FHAD1: variants seen among roughly 807,000 people sequenced by gnomAD.
FHAD1 encodes the protein forkhead-associated domain-containing protein 1.
FHAD1 carries 146 observed loss-of-function variants against 191.3 expected under a neutral mutation model. The observed-to-expected ratio is 0.76, with a 90% CI of 0.67 to 0.88. The LOEUF (loss-of-function observed/expected upper bound fraction) is 0.88. FHAD1 is among the 40% of genes least tolerant of loss of function. FHAD1 has a pLI of 0.00. For synonymous variants in FHAD1, 616 were observed against 672.3 expected (o/e 0.92, Z 1.29); for missense variants, 1,635 against 1,785.8 (o/e 0.92, Z 1.52).
At chr1:15,393,446 A>ACACACACACT (rs1263147923) in intron 33 of FHAD1, among the ~76,000 whole-genome samples, 1 of 151,590 alleles carries the variant, frequency 6.6e-6, no homozygotes, top group Non-Finnish European at 1.5e-5. Flanking sequence ...ACACACACAC[A>ACACACACACT]CACACACACT....
At chr1:15,288,214 G>T (rs748576454) in intron 3 of FHAD1, among the ~76,000 whole-genome samples, 3 of 152,162 alleles carry the variant, frequency 2.0e-5, no homozygotes, top group Non-Finnish European at 4.4e-5. Context: ...CACACAAAGG[G>T]TCATGGTGAG....
At chr1:15,272,801 A>G (rs1328929596) in intron 3 of FHAD1, among the ~76,000 whole-genome samples, 2 of 152,166 alleles carry the variant, frequency 1.3e-5, no homozygotes, top group African/African-American at 2.4e-5. Flanking sequence ...CAACTTCCTG[A>G]GAGGAGGCGG....
intron 20 of FHAD1, among the ~76,000 whole-genome samples, chr1:15,356,318 C>T (rs982980442): frequency 2.6e-5 from 4 of 152,200 alleles, no homozygotes; most frequent in African/African-American, 4.8e-5. Flanking sequence ...TTAACAGGAT[C>T]GCAGTGTCTT....
At chr1:15,332,746 A>G (rs988393013) in intron 14 of FHAD1, among the ~76,000 whole-genome samples, 1 of 152,156 alleles carries the variant, frequency 6.6e-6, no homozygotes, top group Non-Finnish European at 1.5e-5. Context: ...TGTAAAGTTA[A>G]GCTTTCAGGC....
chr1:15,345,585 G>C, intron 18 of FHAD1, 62 bp downstream of exon 18: 176 of 1,299,620 alleles, frequency 1.4e-4, no homozygotes, highest in Non-Finnish European at 1.8e-4. Context: ...GTGGAAGGAA[G>C]TTCAGAGCGG....
intron 10 of FHAD1, among the ~76,000 whole-genome samples, chr1:15,323,131 C>T (rs1676935773): frequency 6.6e-6 from 1 of 152,182 alleles, no homozygotes; most frequent in African/African-American, 2.4e-5. Flanking sequence ...CTTAGGAATT[C>T]TGGGAGATAC....
intron 4 of FHAD1, 65 bp from the exon 5 acceptor site, chr1:15,296,619 A>T (rs773066768): frequency 7.5e-7 from 1 of 1,341,656 alleles, no homozygotes; most frequent in Non-Finnish European, 1.0e-6. Context: ...TAACGTGAAC[A>T]TCTTCTTCAG....
chr1:15,352,460 C>T (rs1354601156), intron 19 of FHAD1, among the ~76,000 whole-genome samples: 1 of 152,168 alleles, frequency 6.6e-6, no homozygotes, highest in African/African-American at 2.4e-5. Context: ...CATGGGTCTG[C>T]AGGGACAGAA....
chr1:15,375,736 C>T lies in FHAD1; in HGVS notation c.3705+6C>T. ...CAAGAATAGAGATCCTAGCGGTAAC[C>T]AAAGAAAATTCTCTCTGCTGTGACT... On this transcript the variant is annotated splice_donor_region_variant and intron_variant, in intron 28 of 33. Coordinates refer to ENST00000688493, the MANE Select transcript of FHAD1 (RefSeq NM_001391957.1). 6.5e-7 allele frequency: 1 copy of T among 1,528,394 alleles called. No individual in the cohort carries two copies. Among genetic ancestry groups the T allele is most frequent in the Non-Finnish European group, 8.8e-7 (1 of 1,139,920 alleles). The allele number at this position is 1,528,394 out of a possible 1,614,324, so 94.7% of individuals were successfully genotyped here. A position where few individuals can be genotyped will look rare whatever the true frequency, so the allele number is the denominator to read the frequency against.
intron 2 of FHAD1, among the ~76,000 whole-genome samples, chr1:15,271,621 G>A (rs898758908): frequency 6.7e-5 from 2 of 29,780 alleles, no homozygotes; most frequent in African/African-American, 1.3e-4. Context: ...ATAACTAATC[G>A]CATGGGAAAT....
chr1:15,327,208 T>A lies in FHAD1; in HGVS notation c.1557+66T>A. On this transcript the variant is annotated intron_variant, in intron 12 of 33. Transcript: ENST00000688493. The surrounding 1 kb of genome is among the most constrained non-coding windows in gnomAD (Gnocchi z 5.1). ...TCTTCTTCTTCTTCGTGGATCTGGA[T>A]TCCAGACCCTGGGAGCATATGTTTC... The A allele has an allele frequency of 9.4e-7, 1 of 1,068,668 alleles. No individual in the cohort carries two copies. Among genetic ancestry groups the A allele is most frequent in the Non-Finnish European group, 1.4e-6 (1 of 712,710 alleles). 66.2% of individuals were successfully genotyped at this position (1,068,668 alleles called of 1,614,324 possible).
rs1658311555 is a variant in FHAD1, at chr1:15,276,201, A to G, written c.300+3672A>G. ...AAAATTGGAATCCTAATAGTTCCTC[A>G]TGTGGGGTTACTGTAGTAGTAAACG... On this transcript the variant is annotated intron_variant, in intron 3 of 33. Coordinates refer to ENST00000688493, the MANE Select transcript of FHAD1 (RefSeq NM_001391957.1). This position sits in a 1 kb window ranked among gnomAD's most constrained non-coding sequence, Gnocchi z 4.7. Among the ~76,000 whole-genome samples the G allele has an allele frequency of 6.6e-6, 1 of 152,186 alleles. No individual in the cohort carries two copies. The highest frequency in any genetic ancestry group is 2.4e-5 in the African/African-American group (1 of 41,446).
chr1:15,392,469 T>C (rs540418040), intron 33 of FHAD1, among the ~76,000 whole-genome samples: 1 of 152,218 alleles, frequency 6.6e-6, no homozygotes, highest in African/African-American at 2.4e-5. Flanking sequence ...GAGGCGGAGC[T>C]TGCAGTGAGC....
At chr1:15,263,246 C>T (rs983032103) in intron 2 of FHAD1, among the ~76,000 whole-genome samples, 3 of 151,974 alleles carry the variant, frequency 2.0e-5, no homozygotes, top group Non-Finnish European at 1.5e-5. Flanking sequence ...TCTTCCATTC[C>T]GTAGGTTGCC....
intron 18 of FHAD1, among the ~76,000 whole-genome samples, chr1:15,347,727 G>A (rs761334249): frequency 2.0e-5 from 3 of 152,236 alleles, no homozygotes; most frequent in Non-Finnish European, 4.4e-5. Context: ...GGGATTACAG[G>A]CGTGAGCCAC....
At chr1:15,400,502 G>A (rs1707072540), downstream of FHAD1, among the ~76,000 whole-genome samples, 1 of 152,202 alleles carries the variant, frequency 6.6e-6, no homozygotes, top group South Asian at 2.1e-4. Flanking sequence ...GGTTAGGGTA[G>A]TAGTTCTCAA....
At chr1:15,292,064 T>C (rs1296941258) in intron 4 of FHAD1, among the ~76,000 whole-genome samples, 1 of 152,210 alleles carries the variant, frequency 6.6e-6, no homozygotes, top group Non-Finnish European at 1.5e-5. Flanking sequence ...TCAAAATTTA[T>C]ATGTTGAAGT....
At position 15,341,811 on chromosome 1, in the gene FHAD1, G is replaced by C. The variant is rs1170711433; in HGVS notation, c.2053G>C (p.Glu685Gln). The C allele has an allele frequency of 6.4e-7, 1 of 1,551,880 alleles. No individual in the cohort carries two copies. The highest frequency in any genetic ancestry group is 8.7e-7 in the Non-Finnish European group (1 of 1,146,982). The part of the protein sequence containing the change: ...EKLREHLAEK[E>Q]KLNEERLEQE... Reference sequence around the variant, plus strand: ...GCTGCGGGAGCATCTGGCAGAGAAGGAGAAGCTGAACGAGGAGAGGCTAGA... The same window carrying C: ...GCTGCGGGAGCATCTGGCAGAGAAGCAGAAGCTGAACGAGGAGAGGCTAGA... Residue 685 changes from glutamate to glutamine, a missense_variant, in exon 16 of 34, where the codon GAG (glutamate) becomes CAG (glutamine). Physicochemically the swap from Glu to Gln is conservative, Grantham distance 29. Coordinates refer to ENST00000688493, the MANE Select transcript of FHAD1 (RefSeq NM_001391957.1).
intron 14 of FHAD1, among the ~76,000 whole-genome samples, chr1:15,336,907 C>T (rs1048596485): frequency 3.3e-5 from 5 of 152,254 alleles, no homozygotes; most frequent in Admixed American, 6.5e-5. Context: ...CAGCAGCCCC[C>T]TTCACCAACT....
Sources: gnomAD v4.1 joint callset for allele counts (sites outside exome capture counted in the v4.1 genomes callset) on GRCh38, gnomAD v4.1.1 for gene constraint, Gnocchi (gnomAD v3.1) non-coding constraint, MANE v1.5 for transcripts, NCBI Gene and HGNC (gene_info 2026-07-23, HGNC 2026-07-21) for gene names.